The following DYNC1H1 variants were observed in gnomAD, a reference collection of about 807,000 sequenced individuals.
DYNC1H1 encodes the protein dynein cytoplasmic 1 heavy chain 1.
DYNC1H1 carries 51 observed loss-of-function variants against 527.1 expected under a neutral mutation model. The ratio of observed to expected loss-of-function variants is 0.10; its 90% confidence interval spans 0.08 to 0.12. DYNC1H1 has a LOEUF of 0.12. DYNC1H1 is among the 10% of genes least tolerant of loss of function. The pLI is 1.00. For synonymous variants in DYNC1H1, 2,189 were observed against 2,278.8 expected, an observed-to-expected ratio of 0.96 and a Z score of 1.12; for missense variants, 2,771 against 5,971.8, an observed-to-expected ratio of 0.46 and a Z score of 17.66.
At chr14:101,987,753 C>A in intron 9 of DYNC1H1, 121 bp downstream of exon 9, 1 of 1,171,444 alleles carries the variant, frequency 8.5e-7, no homozygotes, top group Non-Finnish European at 1.2e-6. Context: ...GTTCAATTCC[C>A]CTCCAAAATC....
At position 102,049,293 on chromosome 14, in the gene DYNC1H1, A is replaced by G. The variant is rs1567025936; in HGVS notation, c.13373-147A>G. 2 of 1,180,330 alleles carry G rather than the reference A, an allele frequency of 1.7e-6. No homozygotes were observed. The highest frequency in any genetic ancestry group is 2.4e-6 in the Non-Finnish European group (2 of 821,606). The allele number at this position is 1,180,330 out of a possible 1,614,324, so 73.1% of individuals were successfully genotyped here. ...ATGTGGTGAGGGCGGCGCCAGGGGC[A>G]TAAAGTGCAGCCTGGGAAAGGCAGT... On this transcript the variant is annotated intron_variant, in intron 74 of 77. Transcript: ENST00000360184. This position sits in a 1 kb window ranked among gnomAD's most constrained non-coding sequence, Gnocchi z 5.5.
At position 102,033,980 on chromosome 14, in the gene DYNC1H1, A is replaced by C; in HGVS notation, c.10418A>C (p.Asn3473Thr). 6.2e-7 allele frequency: 1 copy of C among 1,613,852 alleles called. No homozygotes were observed. Among genetic ancestry groups the C allele is most frequent in the Non-Finnish European group, 8.5e-7 (1 of 1,180,024 alleles). ...CTTGTTCGGTTTTCCTTTTAGGTAA[A>C]CCGGAGCACTGCTCTTCTGAAGAGC... ...ADLAAVEAKV[N>T]RSTALLKSLS... Residue 3473 changes from asparagine to threonine, a missense_variant, in exon 55 of 78, where the codon AAC (asparagine) becomes ACC (threonine). Asn to Thr is a moderately conservative substitution (Grantham distance 65). This residue lies in a region of DYNC1H1 where 283 missense variants were observed against 737.6 expected (regional missense o/e 0.38). Transcript: ENST00000360184. This position sits in a 1 kb window ranked among gnomAD's most constrained non-coding sequence, Gnocchi z 5.6.
At chr14:101,977,373 A>G (rs188486841) in intron 2 of DYNC1H1, among the ~76,000 whole-genome samples, 90 of 152,304 alleles carry the variant, frequency 5.9e-4, no homozygotes, top group Middle Eastern at 6.8e-3. Context: ...ACTCCCAGAT[A>G]TCAGTTGTTA....
At position 102,044,619 on chromosome 14, in the gene DYNC1H1, G is replaced by A; in HGVS notation, c.12927G>A (p.Val4309=). The change falls in exon 72 of 78, where the codon GTG becomes GTA. Residue 4309 remains valine, a synonymous_variant. Transcript: ENST00000360184. This position sits in a 1 kb window ranked among gnomAD's most constrained non-coding sequence, Gnocchi z 7.1. ...GIRREEFVQW[V]ELLPDTQTPS... is the part of the protein sequence containing the mutation. ...GGCGAGAGGAGTTTGTGCAGTGGGT[G>A]GAGTTGCTCCCCGACACCCAGACGC... 1 of 1,614,184 alleles carries A rather than the reference G, an allele frequency of 6.2e-7. No individual in the cohort carries two copies. Among genetic ancestry groups the A allele is most frequent in the Non-Finnish European group, 8.5e-7 (1 of 1,180,032 alleles).
chr14:102,000,067 G>A lies in DYNC1H1; in HGVS notation c.3883G>A (p.Glu1295Lys), dbSNP rs899068418. Residue 1295 changes from glutamate to lysine, a missense_variant, in exon 17 of 78, where the codon GAG (glutamate) becomes AAG (lysine). Glu to Lys is a moderately conservative substitution (Grantham distance 56). This residue lies in a region of DYNC1H1 where 223 missense variants were observed against 462.5 expected (regional missense o/e 0.48). Transcript: ENST00000360184. ...GKFGRLKDDR[E>K]KCAKAKEALE... is the part of the protein sequence containing the mutation. ...GTTTGGTAGGCTGAAGGACGACAGA[G>A]AGAAGTGTGCAAAGGCCAAGGAGGC... is the stretch of plus-strand genomic sequence containing the variant. 6.2e-7 allele frequency: 1 copy of A among 1,614,246 alleles called. No homozygotes were observed. The highest frequency in any genetic ancestry group is 2.2e-5 in the East Asian group (1 of 44,886).
chr14:102,016,449 C>T lies in DYNC1H1; in HGVS notation c.7574C>T (p.Pro2525Leu). The change falls in exon 37 of 78, where the codon CCT (proline) becomes CTT (leucine). Residue 2525 changes from proline to leucine, a missense_variant. Pro to Leu is a moderately conservative substitution (Grantham distance 98). Around this residue, in one of 32 missense-constraint regions of DYNC1H1, gnomAD observed 71 missense variants for 143.6 expected, o/e 0.49. Transcript: ENST00000360184. This position sits in a 1 kb window ranked among gnomAD's most constrained non-coding sequence, Gnocchi z 7.3. ...TACATCAGAAGAATCACGACCGTGC[C>T]TCTGCCCACTGCGCCCAACATACCC... The part of the protein sequence containing the change: ...GEYIRRITTV[P>L]LPTAPNIPII... 2 of 1,614,088 alleles carry T rather than the reference C, an allele frequency of 1.2e-6. No homozygotes were observed. Among genetic ancestry groups the T allele is most frequent in the Non-Finnish European group, 1.7e-6 (2 of 1,180,024 alleles).
intron 10 of DYNC1H1, among the ~76,000 whole-genome samples, chr14:101,990,306 C>T (rs1223606056): frequency 1.3e-5 from 2 of 152,112 alleles, no homozygotes; most frequent in Admixed American, 6.5e-5. Flanking sequence ...GCTAGTTTCT[C>T]GGGTCTCAAG....
At position 102,020,507 on chromosome 14, in the gene DYNC1H1, G is replaced by A. The variant is rs17512523; in HGVS notation, c.8507+451G>A. ...AACAACTGCCCAGTGTGCGTGTTCC[G>A]TAACCACCACCCCTCTTCCTGTTTC... On this transcript the variant is annotated intron_variant, in intron 42 of 77. Coordinates refer to ENST00000360184, the MANE Select transcript of DYNC1H1 (RefSeq NM_001376.5). The surrounding 1 kb of genome is among the most constrained non-coding windows in gnomAD (Gnocchi z 4.3). Among the ~76,000 whole-genome samples the A allele has an allele frequency of 6.5e-3, 985 of 152,258 alleles. 6 individuals are homozygous for A. The highest frequency in any genetic ancestry group is 0.01 in the Non-Finnish European group (710 of 68,016).
intron 42 of DYNC1H1, among the ~76,000 whole-genome samples, 153 bp from the exon 43 acceptor site, chr14:102,022,597 CT>C (rs1348733134): frequency 6.6e-6 from 1 of 151,940 alleles, no homozygotes; most frequent in African/African-American, 2.4e-5. Context: ...ATGAGTTCAG[CT>C]TTTAGGTTCA....
intron 1 of DYNC1H1, among the ~76,000 whole-genome samples, chr14:101,970,964 G>A (rs1292017548): frequency 6.6e-6 from 1 of 152,076 alleles, no homozygotes; most frequent in East Asian, 1.9e-4. Context: ...ATGAGCAAGG[G>A]TGCAGGAGTT....
chr14:102,025,011 A>G (rs2048432759), intron 43 of DYNC1H1, among the ~76,000 whole-genome samples: 1 of 151,180 alleles, frequency 6.6e-6, no homozygotes, highest in Non-Finnish European at 1.5e-5. Flanking sequence ...TACTCTTTAT[A>G]AGGTCTTTTG....
intron 29 of DYNC1H1, chr14:102,009,171 G>A (rs375907315): frequency 4.5e-5 from 7 of 154,138 alleles, no homozygotes; most frequent in Admixed American, 1.3e-4. Flanking sequence ...AGCATGTGGG[G>A]TCAGGGAGGG....
rs1330837519 is a variant in DYNC1H1 at position 102,039,706 on chromosome 14, A to G, written c.11664A>G (p.Ala3888=). The G allele has an allele frequency of 6.2e-7, 1 of 1,614,256 alleles. No homozygotes were observed. Residue 3888 remains alanine (A), a synonymous_variant, in exon 62 of 78, where the codon GCA becomes GCG. Coordinates refer to ENST00000360184, the MANE Select transcript of DYNC1H1 (RefSeq NM_001376.5). The surrounding 1 kb of genome is among the most constrained non-coding windows in gnomAD (Gnocchi z 7.0). ...ACATTACCTTTGCCATGCTGCTGGC[A>G]AGAATCAAACTGAAGGGCACCGTGG... is the stretch of plus-strand genomic sequence containing the variant. ...QDHITFAMLL[A]RIKLKGTVGE...
rs1248893600 is a variant in DYNC1H1 at position 102,050,879 on chromosome 14, G to A, written c.*316G>A. 4.1e-5 allele frequency: 16 copies of A among 388,758 alleles called. No individual in the cohort carries two copies. In the East Asian group the frequency reaches 9.1e-4, roughly 22 times the overall value. 24.1% of individuals were successfully genotyped at this position (388,758 alleles called of 1,614,324 possible). A position where few individuals can be genotyped will look rare whatever the true frequency, so the allele number is the denominator to read the frequency against. The stretch of plus-strand genomic sequence containing the variant: ...TGCCCAGGGAGGGCAGCCCACGGCA[G>A]CCATGCCCCTCCCCACCTCGCTTTC... On this transcript the variant is annotated 3_prime_UTR_variant, in exon 78 of 78. Transcript: ENST00000360184.
At chr14:101,966,877 T>G (rs1166519602) in intron 1 of DYNC1H1, among the ~76,000 whole-genome samples, 2 of 152,226 alleles carry the variant, frequency 1.3e-5, no homozygotes, top group Non-Finnish European at 2.9e-5. Flanking sequence ...AAATTCTCTC[T>G]GTTGTCTTAT....
intron 9 of DYNC1H1, 118 bp downstream of exon 9, chr14:101,987,750 T>C: frequency 8.3e-7 from 1 of 1,208,470 alleles, no homozygotes. Context: ...ATAGTTCAAT[T>C]CCCCTCCAAA....
chr14:102,023,951 A>G (rs2048418840), intron 43 of DYNC1H1: 1 of 152,222 alleles, frequency 6.6e-6, no homozygotes. Flanking sequence ...AAAATGCACT[A>G]TAAAATAGGC....
At chr14:101,981,214 C>T (rs898775469) in intron 5 of DYNC1H1, among the ~76,000 whole-genome samples, 1 of 152,038 alleles carries the variant, frequency 6.6e-6, no homozygotes, top group Non-Finnish European at 1.5e-5. Context: ...GCCTGGAGTT[C>T]CCAGGCTCAA....
chr14:102,049,933 GC>G lies in DYNC1H1; in HGVS notation c.13684+53del. ...TGGCTCTTTGCAGGTGACCTCGGTG[GC>G]CTGAGACCATTGTTCCCAGATACAT... On this transcript the variant is annotated intron_variant, in intron 76 of 77. Transcript: ENST00000360184. This position sits in a 1 kb window ranked among gnomAD's most constrained non-coding sequence, Gnocchi z 5.5. The G allele has an allele frequency of 6.2e-7, 1 of 1,613,390 alleles. No homozygotes were observed.
Sources: allele counts gnomAD v4.1 joint callset (sites outside exome capture counted in the v4.1 genomes callset), GRCh38; gene constraint gnomAD v4.1.1; regional missense constraint gnomAD v4.1.1; non-coding constraint Gnocchi (gnomAD v3.1); transcripts MANE v1.5; gene names NCBI Gene and HGNC (gene_info 2026-07-23, HGNC 2026-07-21).